The following PCCA variants were observed in gnomAD, a reference collection of about 807,000 sequenced individuals.
PCCA encodes propionyl-CoA carboxylase subunit alpha, also known as propionyl-CoA carboxylase alpha chain, mitochondrial.
PCCA carries 74 observed loss-of-function variants against 101.3 expected under a neutral mutation model. The observed-to-expected ratio is 0.73, with a 90% CI of 0.61 to 0.89. The LOEUF (loss-of-function observed/expected upper bound fraction) is 0.89, where lower values mean the gene tolerates loss of function less well. Ranked by LOEUF, PCCA falls within the 40% of genes least tolerant of loss-of-function variation. The probability of loss-of-function intolerance (pLI) is 0.00; values close to 1 mark genes in which losing one functional copy is unlikely to be tolerated. For synonymous variants in PCCA, 294 were observed against 313.6 expected (o/e 0.94, Z 0.66); for missense variants, 891 against 907.0 (o/e 0.98, Z 0.23).
chr13:100,306,638 A>C (rs925673053), intron 14 of PCCA, among the ~76,000 whole-genome samples: 1 of 149,390 alleles, frequency 6.7e-6, no homozygotes, highest in Non-Finnish European at 1.5e-5. Context: ...TCAGAACTCT[A>C]ATTGGGGCTT....
intron 21 of PCCA, among the ~76,000 whole-genome samples, chr13:100,510,193 G>A (rs964857524): frequency 4.6e-5 from 7 of 152,174 alleles, no homozygotes; most frequent in African/African-American, 1.2e-4. Context: ...GAAAGCAAAG[G>A]TTTCAAAGGA....
intron 4 of PCCA, among the ~76,000 whole-genome samples, chr13:100,124,106 G>A (rs533062006): frequency 6.6e-6 from 1 of 152,104 alleles, no homozygotes; most frequent in South Asian, 2.1e-4. Flanking sequence ...CACAAAAATG[G>A]TAAAATATAT....
chr13:100,183,761 G>A (rs1454711694), intron 6 of PCCA, among the ~76,000 whole-genome samples: 1 of 152,122 alleles, frequency 6.6e-6, no homozygotes, highest in Non-Finnish European at 1.5e-5. Flanking sequence ...GAGTGTAAGA[G>A]TAAGCCCGGA....
chr13:100,135,950 C>T (rs186316801), intron 4 of PCCA, among the ~76,000 whole-genome samples: 17 of 151,814 alleles, frequency 1.1e-4, no homozygotes, highest in East Asian at 9.7e-4. Flanking sequence ...TTACGCTGAG[C>T]GATTGATTTT....
chr13:100,099,571 C>T (rs2047089805), intron 1 of PCCA, among the ~76,000 whole-genome samples: 2 of 152,062 alleles, frequency 1.3e-5, no homozygotes, highest in South Asian at 2.1e-4. Context: ...CCTGCCTCGG[C>T]CTCTCAAAGT....
intron 21 of PCCA, among the ~76,000 whole-genome samples, chr13:100,477,774 CAG>C (rs1327657104): frequency 1.3e-5 from 2 of 152,226 alleles, no homozygotes; most frequent in South Asian, 2.1e-4. Context: ...TGGGCAGTGG[CAG>C]AGTTACCCTT....
chr13:100,522,052 G>C (rs562542618), intron 22 of PCCA, among the ~76,000 whole-genome samples: 2 of 152,130 alleles, frequency 1.3e-5, no homozygotes, highest in Non-Finnish European at 2.9e-5. Context: ...CTCTTGCATC[G>C]AAACAGTTGC....
intron 18 of PCCA, among the ~76,000 whole-genome samples, chr13:100,360,234 A>G (rs1468420760): frequency 3.3e-5 from 5 of 151,758 alleles, no homozygotes; most frequent in Non-Finnish European, 5.9e-5. Flanking sequence ...TGAGAACAGC[A>G]TAGGAAAGAC....
rs1595517830 is a variant in PCCA at position 100,350,424 on chromosome 13, G to A, written c.1643+10165G>A. On this transcript the variant is annotated intron_variant, in intron 18 of 23. Transcript: ENST00000376285. ...TTTGGAAATAGCTACGTTCATTTGA[G>A]CAAATAAATCCCCTAAAAGCAACAA... Among the ~76,000 whole-genome samples the A allele has an allele frequency of 2.0e-5, 3 of 152,040 alleles. No individual in the cohort carries two copies. In the South Asian group the frequency reaches 6.2e-4, roughly 31 times the overall value.
At chr13:100,292,684 A>G (rs748983725) in intron 12 of PCCA, among the ~76,000 whole-genome samples, 40 of 152,346 alleles carry the variant, frequency 2.6e-4, no homozygotes, top group Admixed American at 5.9e-4. Flanking sequence ...TTAAATAATA[A>G]CTTTCTCTCA....
At chr13:100,214,838 C>T (rs1376440156) in intron 7 of PCCA, among the ~76,000 whole-genome samples, 2 of 151,908 alleles carry the variant, frequency 1.3e-5, no homozygotes, top group Admixed American at 6.6e-5. Context: ...TTCTTGATAT[C>T]GTCTTCACTG....
chr13:100,296,993 G>C (rs2065593163), intron 12 of PCCA, among the ~76,000 whole-genome samples: 1 of 152,098 alleles, frequency 6.6e-6, no homozygotes, highest in Admixed American at 6.5e-5. Flanking sequence ...GGTCAGTTGT[G>C]ATCTTAACAT....
At position 100,254,764 on chromosome 13, in the gene PCCA, G is replaced by C. The variant is rs189572599; in HGVS notation, c.638-2831G>C. Among the ~76,000 whole-genome samples the C allele has an allele frequency of 2.6e-5, 4 of 152,204 alleles. No homozygotes were observed. In the East Asian group the frequency reaches 5.8e-4, roughly 22 times the overall value. On this transcript the variant is annotated intron_variant, in intron 8 of 23. Coordinates refer to ENST00000376285, the MANE Select transcript of PCCA (RefSeq NM_000282.4). ...AAAACCTTACTGTTACATTATTTCA[G>C]AATATAGCTCAATGGTTAAATTAAG...
At chr13:100,291,582 G>A (rs1316601977) in intron 12 of PCCA, among the ~76,000 whole-genome samples, 1 of 152,058 alleles carries the variant, frequency 6.6e-6, no homozygotes, top group Non-Finnish European at 1.5e-5. Context: ...TTTCTTTCTT[G>A]TGCTAGTAAT....
chr13:100,422,411 T>TA (rs2078893116), intron 19 of PCCA, among the ~76,000 whole-genome samples: 1 of 152,174 alleles, frequency 6.6e-6, no homozygotes, highest in African/African-American at 2.4e-5. Context: ...GTGCTGGGCT[T>TA]ACAGGCGTGA....
At chr13:100,123,044 A>G (rs945383392) in intron 4 of PCCA, among the ~76,000 whole-genome samples, 1 of 152,232 alleles carries the variant, frequency 6.6e-6, no homozygotes, top group African/African-American at 2.4e-5. Context: ...GTTTCTAGTT[A>G]TACAATGAAC....
At chr13:100,510,515 A>C (rs2086400838) in intron 21 of PCCA, among the ~76,000 whole-genome samples, 1 of 152,260 alleles carries the variant, frequency 6.6e-6, no homozygotes, top group Non-Finnish European at 1.5e-5. Context: ...AATTATAGAT[A>C]GCTGCAAATG....
intron 9 of PCCA, among the ~76,000 whole-genome samples, chr13:100,260,715 A>G (rs1347485485): frequency 1.2e-4 from 18 of 151,984 alleles, no homozygotes; most frequent in Admixed American, 1.2e-3. Context: ...GTTGTTTCCA[A>G]TATTACTAGG....
intron 20 of PCCA, among the ~76,000 whole-genome samples, chr13:100,432,170 T>C (rs533453746): frequency 9.9e-5 from 15 of 151,846 alleles, no homozygotes; most frequent in Middle Eastern, 3.2e-3. Context: ...AATAAATAAA[T>C]AAACAAACAA....
Sources: gnomAD v4.1 joint callset for allele counts (sites outside exome capture counted in the v4.1 genomes callset) on GRCh38, gnomAD v4.1.1 for gene constraint, MANE v1.5 for transcripts, NCBI Gene and HGNC (gene_info 2026-07-23, HGNC 2026-07-21) for gene names.